MSR1: variants seen among roughly 807,000 people sequenced by gnomAD.
MSR1 encodes macrophage scavenger receptor types I and II.
A neutral mutation model predicts 47.2 loss-of-function variants in MSR1; 53 were observed. That is an observed-to-expected ratio of 1.12 (90% CI 0.90 to 1.41). MSR1 has a LOEUF of 1.41. Among genes scored for constraint, MSR1 ranks in the 40% most tolerant of loss-of-function variants. MSR1 has a pLI of 0.00. For synonymous variants in MSR1, 239 were observed against 185.6 expected (o/e 1.29, Z -2.34); for missense variants, 786 against 546.9 (o/e 1.44, Z -4.36).
chr8:16,150,162 A>ATATATATATG (rs1554468246), intron 7 of MSR1, 69 bp downstream of exon 7: 40 of 277,816 alleles, frequency 1.4e-4, no homozygotes, highest in African/African-American at 6.9e-4. Flanking sequence ...ATATATATAT[A>ATATATATATG]TATATATATA....
At chr8:16,147,289 T>C (rs755582280) in intron 7 of MSR1, among the ~76,000 whole-genome samples, 2 of 152,178 alleles carry the variant, frequency 1.3e-5, no homozygotes, top group Non-Finnish European at 2.9e-5. Context: ...TTTTCAGTTG[T>C]AGACTGTCTT....
intron 2 of MSR1, among the ~76,000 whole-genome samples, chr8:16,177,463 G>A (rs911351430): frequency 6.6e-6 from 1 of 151,916 alleles, no homozygotes; most frequent in East Asian, 1.9e-4. Context: ...CTTCGAAAGG[G>A]CACATGGTCT....
At chr8:16,168,338 T>A (rs1032068244) in intron 4 of MSR1, 120 bp downstream of exon 4, 2 of 936,032 alleles carry the variant, frequency 2.1e-6, no homozygotes, top group Non-Finnish European at 3.4e-6. Context: ...GCCATAGAAA[T>A]CAGGGTAAAC....
intron 4 of MSR1, among the ~76,000 whole-genome samples, chr8:16,164,534 A>G (rs1485892947): frequency 6.6e-6 from 1 of 151,978 alleles, no homozygotes; most frequent in Non-Finnish European, 1.5e-5. Flanking sequence ...TAGATGTCAA[A>G]ATTCTAACAA....
intron 8 of MSR1, 75 bp from the exon 9 acceptor site, chr8:16,120,681 A>G: frequency 2.0e-6 from 3 of 1,466,634 alleles, no homozygotes; most frequent in Non-Finnish European, 1.8e-6. Context: ...GCTTTACAGC[A>G]CTTTTTTTTT....
intron 1 of MSR1, among the ~76,000 whole-genome samples, chr8:16,186,973 T>C (rs769901341): frequency 9.2e-5 from 14 of 152,028 alleles, no homozygotes; most frequent in Non-Finnish European, 1.8e-4. Flanking sequence ...GAATTAATTC[T>C]CCACACACTT....
intron 3 of MSR1, among the ~76,000 whole-genome samples, chr8:16,171,725 T>C (rs1350897516): frequency 6.6e-6 from 1 of 152,218 alleles, no homozygotes; most frequent in African/African-American, 2.4e-5. Context: ...AAAATTTTCC[T>C]CTAACGTTGT....
chr8:16,157,606 G>A (rs1801046561), intron 5 of MSR1, among the ~76,000 whole-genome samples: 1 of 151,876 alleles, frequency 6.6e-6, no homozygotes. Flanking sequence ...AATGTTGGAA[G>A]GATCTCAATA....
intron 8 of MSR1, among the ~76,000 whole-genome samples, chr8:16,122,908 G>A (rs1158630156): frequency 2.1e-5 from 3 of 141,516 alleles, no homozygotes; most frequent in Admixed American, 1.5e-4. Context: ...GTAGTGGCGC[G>A]ATCTCGGCTC....
chr8:16,191,653 G>A (rs1802203086), intron 1 of MSR1, among the ~76,000 whole-genome samples: 2 of 152,108 alleles, frequency 1.3e-5, no homozygotes, highest in South Asian at 4.1e-4. Context: ...CAACTAGGGA[G>A]CAGGGGAGCT....
At chr8:16,178,027 C>T (rs755450250) in intron 1 of MSR1, 35 bp from the exon 2 acceptor site, 22 of 1,485,352 alleles carry the variant, frequency 1.5e-5, no homozygotes, top group Non-Finnish European at 3.7e-6. Flanking sequence ...ATTAATTCCA[C>T]ATGAAATGGC....
chr8:16,175,286 G>C lies in MSR1; in HGVS notation c.118C>G (p.Pro40Ala). Residue 40 changes from proline to alanine, a missense_variant, in exon 3 of 10, where the codon CCT (proline) becomes GCT (alanine). Coordinates refer to ENST00000262101, the MANE Select transcript of MSR1 (RefSeq NM_138715.3). Reference sequence around the variant, plus strand: ...GACTTCAGTTTCTCTTGAAGGGAAGGGCTGTTTTTAGGATCTAATAAAACA... The same window carrying C: ...GACTTCAGTTTCTCTTGAAGGGAAGCGCTGTTTTTAGGATCTAATAAAACA... ...ALLPPNPKNS[P>A]SLQEKLKSFK... 1 of 1,613,924 alleles carries C rather than the reference G, an allele frequency of 6.2e-7. No individual in the cohort carries two copies. Among genetic ancestry groups the C allele is most frequent in the East Asian group, 2.2e-5 (1 of 44,842 alleles).
chr8:16,114,527 A>G (rs567556490), intron 9 of MSR1, among the ~76,000 whole-genome samples: 16 of 152,182 alleles, frequency 1.1e-4, no homozygotes, highest in African/African-American at 3.9e-4. Flanking sequence ...CTGCAGGGAG[A>G]CCACAGGCAC....
intron 8 of MSR1, among the ~76,000 whole-genome samples, chr8:16,130,181 A>C (rs1297903029): frequency 6.6e-6 from 1 of 152,132 alleles, no homozygotes; most frequent in Non-Finnish European, 1.5e-5. Context: ...TTAAATCTCT[A>C]TTTCAAACGA....
At chr8:16,134,131 A>G (rs563508158) in intron 8 of MSR1, among the ~76,000 whole-genome samples, 1 of 152,142 alleles carries the variant, frequency 6.6e-6, no homozygotes, top group Non-Finnish European at 1.5e-5. Context: ...AACTTTTCAT[A>G]AAGTATCGGT....
Position 16,158,930 on chromosome 8 carries a change from ATTTTTTTT to A in MSR1, c.818-3794_818-3787del, listed in dbSNP as rs34495946. ...CAATTCAGTTTTTTTCCTTTGGTTA[ATTTTTTTT>A]TTTTTTTTTTTTTCAGAGATAGGGT... On this transcript the variant is annotated intron_variant, in intron 5 of 9. Coordinates refer to ENST00000262101, the MANE Select transcript of MSR1 (RefSeq NM_138715.3). 4.6e-5 allele frequency among the ~76,000 whole-genome samples: 5 copies of A among 107,804 alleles called. 1 individual carries two copies. The highest frequency in any genetic ancestry group is 9.0e-5 in the Non-Finnish European group (5 of 55,836). 70.7% of individuals were successfully genotyped at this position (107,804 alleles called of 152,430 possible).
chr8:16,138,021 AG>A (rs1397415277), intron 8 of MSR1, among the ~76,000 whole-genome samples: 1 of 151,688 alleles, frequency 6.6e-6, no homozygotes, highest in African/African-American at 2.4e-5. Flanking sequence ...AAAAAAAAAA[AG>A]CCCTTGCCTC....
intron 4 of MSR1, 72 bp from the exon 5 acceptor site, chr8:16,164,323 C>T (rs1801244702): frequency 7.5e-7 from 1 of 1,329,626 alleles, no homozygotes; most frequent in East Asian, 2.3e-5. Context: ...TTCAAGAAAC[C>T]CTCGGAGTTC....
chr8:16,182,523 T>C (rs1039687971), intron 1 of MSR1, among the ~76,000 whole-genome samples: 1 of 152,084 alleles, frequency 6.6e-6, no homozygotes, highest in Non-Finnish European at 1.5e-5. Flanking sequence ...AAAAATAATT[T>C]CTTTCTAAAC....
Sources: gnomAD v4.1 joint callset for allele counts (sites outside exome capture counted in the v4.1 genomes callset) on GRCh38, gnomAD v4.1.1 for gene constraint, MANE v1.5 for transcripts, NCBI Gene and HGNC (gene_info 2026-07-23, HGNC 2026-07-21) for gene names.